ARHGAP42: variants seen among roughly 807,000 people sequenced by gnomAD.
The protein encoded by ARHGAP42 is rho GTPase-activating protein 42.
ARHGAP42 carries 63 observed loss-of-function variants against 125.0 expected under a neutral mutation model. That is an observed-to-expected ratio of 0.50 (90% CI 0.41 to 0.62). The LOEUF (loss-of-function observed/expected upper bound fraction) is 0.62. Among genes scored for constraint, ARHGAP42 ranks in the 20% least tolerant of loss-of-function variants. The probability of loss-of-function intolerance (pLI) is 0.00; values close to 1 mark genes in which losing one functional copy is unlikely to be tolerated. For missense variants in ARHGAP42, 766 were observed against 1,024.2 expected, an observed-to-expected ratio of 0.75 and a Z score of 3.44; for synonymous variants, 339 against 351.0, an observed-to-expected ratio of 0.97 and a Z score of 0.38.
In ARHGAP42 at chr11:100,990,640, T is replaced by C. The variant is rs772530213; in HGVS notation, c.*1839T>C. The C allele has an allele frequency of 6.6e-6, 1 of 152,602 alleles. No homozygotes were observed. Among genetic ancestry groups the C allele is most frequent in the Non-Finnish European group, 1.5e-5 (1 of 68,038 alleles). The allele number at this position is 152,602 out of a possible 1,614,324, so 9.5% of individuals were successfully genotyped here. A position where few individuals can be genotyped will look rare whatever the true frequency, so the allele number is the denominator to read the frequency against. On this transcript the variant is annotated 3_prime_UTR_variant, in exon 24 of 24. Transcript: ENST00000298815. ...AATAAGGTGTGTTGCTGGATCTTCT[T>C]GGTCGAGGTCCTTGGTGACCTTAGT...
intron 3 of ARHGAP42, among the ~76,000 whole-genome samples, chr11:100,847,367 C>T (rs1239342773): frequency 6.6e-6 from 1 of 152,112 alleles, no homozygotes; most frequent in African/African-American, 2.4e-5. Flanking sequence ...AATGCATCTG[C>T]CATGCGCATG....
chr11:100,878,206 G>A (rs376666751), intron 4 of ARHGAP42, among the ~76,000 whole-genome samples: 1 of 151,468 alleles, frequency 6.6e-6, no homozygotes, highest in African/African-American at 2.4e-5. Context: ...TCAGCTCACC[G>A]CAACCTCCGC....
chr11:100,868,420 A>G (rs891172742), intron 4 of ARHGAP42, among the ~76,000 whole-genome samples: 7 of 152,188 alleles, frequency 4.6e-5, no homozygotes, highest in Non-Finnish European at 8.8e-5. Context: ...TGCCTTAAGC[A>G]CTTTACTTGT....
chr11:100,880,105 A>AT (rs1591263424), intron 4 of ARHGAP42, among the ~76,000 whole-genome samples: 13 of 152,070 alleles, frequency 8.5e-5, no homozygotes, highest in Admixed American at 7.2e-4. Flanking sequence ...TTTTCTTTTA[A>AT]TTTTTTTATT....
intron 1 of ARHGAP42, among the ~76,000 whole-genome samples, chr11:100,703,452 G>C (rs1263700384): frequency 6.6e-6 from 1 of 151,970 alleles, no homozygotes; most frequent in Admixed American, 6.6e-5. Flanking sequence ...CTTTTTACAA[G>C]ATTTAACTTT....
intron 1 of ARHGAP42, among the ~76,000 whole-genome samples, chr11:100,699,477 CATGTATAT>C (rs1483112953): frequency 1.7e-4 from 9 of 53,454 alleles, no homozygotes; most frequent in Middle Eastern, 0.014. Context: ...CAAATTTATT[CATGTATAT>C]ATATATATAT....
intron 2 of ARHGAP42, among the ~76,000 whole-genome samples, chr11:100,777,621 CT>C (rs1220651330): frequency 6.6e-6 from 1 of 152,212 alleles, no homozygotes; most frequent in African/African-American, 2.4e-5. Context: ...GAAAGGATTC[CT>C]CTATAGTGTA....
At chr11:100,844,080 G>T (rs561231907) in intron 3 of ARHGAP42, among the ~76,000 whole-genome samples, 23 of 152,224 alleles carry the variant, frequency 1.5e-4, no homozygotes, top group African/African-American at 5.1e-4. Flanking sequence ...AAAATAGCAT[G>T]GTACTGGTAT....
chr11:100,943,273 A>G (rs1242381287), intron 9 of ARHGAP42, among the ~76,000 whole-genome samples: 2 of 152,094 alleles, frequency 1.3e-5, no homozygotes, highest in Middle Eastern at 3.4e-3. Flanking sequence ...TTATTTCCGT[A>G]GCTCTCTTGT....
Position 100,687,625 on chromosome 11 carries a change from G to T in ARHGAP42, c.-54G>T, listed in dbSNP as rs1387677409. 2 of 1,268,308 alleles carry T rather than the reference G, an allele frequency of 1.6e-6. No homozygotes were observed. Among genetic ancestry groups the T allele is most frequent in the Non-Finnish European group, 2.0e-6 (2 of 998,800 alleles). The allele number at this position is 1,268,308 out of a possible 1,614,324, so 78.6% of individuals were successfully genotyped here. A position where few individuals can be genotyped will look rare whatever the true frequency, so the allele number is the denominator to read the frequency against. Reference sequence around the variant, plus strand: ...CCCGCCGCGGCCGCCGGCTGCCCCCGCCCTGACCTCCGGCCCGGACGTGTC... The same window carrying T: ...CCCGCCGCGGCCGCCGGCTGCCCCCTCCCTGACCTCCGGCCCGGACGTGTC... On this transcript the variant is annotated 5_prime_UTR_variant, in exon 1 of 24. Coordinates refer to ENST00000298815, the MANE Select transcript of ARHGAP42 (RefSeq NM_152432.4).
intron 1 of ARHGAP42, among the ~76,000 whole-genome samples, chr11:100,702,362 T>C (rs1037601247): frequency 2.0e-5 from 3 of 152,138 alleles, no homozygotes; most frequent in African/African-American, 4.8e-5. Flanking sequence ...TTATAGACAC[T>C]GTTCATGGCA....
chr11:100,959,177 A>C (rs190766089), intron 12 of ARHGAP42, among the ~76,000 whole-genome samples: 6 of 152,124 alleles, frequency 3.9e-5, no homozygotes, highest in Admixed American at 3.9e-4. Context: ...CTTTCTCTTT[A>C]AATAAGTAAT....
At chr11:100,787,095 G>A (rs1050835117) in intron 2 of ARHGAP42, among the ~76,000 whole-genome samples, 1 of 149,258 alleles carries the variant, frequency 6.7e-6, no homozygotes, top group African/African-American at 2.4e-5. Flanking sequence ...GACTAACACC[G>A]TGAAACCCTG....
intron 1 of ARHGAP42, among the ~76,000 whole-genome samples, chr11:100,715,761 C>T (rs1480938708): frequency 6.6e-6 from 1 of 152,150 alleles, no homozygotes; most frequent in African/African-American, 2.4e-5. Context: ...AATCCCCTCT[C>T]AGGGATTGAT....
intron 1 of ARHGAP42, among the ~76,000 whole-genome samples, chr11:100,733,796 G>C (rs1417480788): frequency 2.7e-5 from 3 of 110,580 alleles, no homozygotes; most frequent in African/African-American, 1.1e-4. Flanking sequence ...CTACACTCCA[G>C]CCTGGGCAAC....
chr11:100,973,307 A>G lies in ARHGAP42; in HGVS notation c.1683A>G (p.Val561=), dbSNP rs925670637. 6.4e-6 allele frequency: 10 copies of G among 1,550,832 alleles called. No homozygotes were observed. Among genetic ancestry groups the G allele is most frequent in the Non-Finnish European group, 8.7e-6 (10 of 1,146,610 alleles). Residue 561 remains valine (V), a synonymous_variant, in exon 18 of 24, where the codon GTA becomes GTG. Transcript: ENST00000298815. The part of the protein sequence containing the change: ...MMNIKFQNIV[V]EILIEHYEKI... The stretch of plus-strand genomic sequence containing the variant: ...ATATTAAATTTCAGAATATTGTGGT[A>G]GAAATTCTGATAGAGCACTATGAAA...
At chr11:100,888,469 A>G (rs1046800621) in intron 4 of ARHGAP42, among the ~76,000 whole-genome samples, 3 of 152,152 alleles carry the variant, frequency 2.0e-5, no homozygotes, top group African/African-American at 7.2e-5. Context: ...GCTGGGGGTT[A>G]TATATGTTTA....
intron 3 of ARHGAP42, among the ~76,000 whole-genome samples, chr11:100,847,025 C>T (rs1429101565): frequency 6.6e-6 from 1 of 152,172 alleles, no homozygotes; most frequent in Non-Finnish European, 1.5e-5. Flanking sequence ...TAGTGGGAAA[C>T]TTACATACGG....
At chr11:100,703,064 G>A (rs1861423529) in intron 1 of ARHGAP42, among the ~76,000 whole-genome samples, 1 of 152,162 alleles carries the variant, frequency 6.6e-6, no homozygotes, top group Non-Finnish European at 1.5e-5. Context: ...AGATGGAAGA[G>A]TATTTTGAAT....
Sources: gnomAD v4.1 joint callset for allele counts (sites outside exome capture counted in the v4.1 genomes callset) on GRCh38, gnomAD v4.1.1 for gene constraint, MANE v1.5 for transcripts, NCBI Gene and HGNC (gene_info 2026-07-23, HGNC 2026-07-21) for gene names.